COMMD10: variants seen among roughly 807,000 people sequenced by gnomAD.
COMMD10 encodes COMM domain-containing protein 10.
Under a neutral mutation model 28.9 loss-of-function variants are expected in COMMD10, and 33 were observed. That is an observed-to-expected ratio of 1.14 (90% CI 0.87 to 1.53). The LOEUF (loss-of-function observed/expected upper bound fraction) is 1.53. COMMD10 is among the 40% of genes most tolerant of loss of function. The pLI is 0.00. For synonymous variants in COMMD10, 110 were observed against 81.7 expected (o/e 1.35, Z -1.87); for missense variants, 310 against 233.4 (o/e 1.33, Z -2.14).
intron 2 of COMMD10, 97 bp downstream of exon 2, chr5:116,087,684 C>T: frequency 1.0e-5 from 8 of 794,960 alleles, no homozygotes; most frequent in East Asian, 5.1e-5. Context: ...TAGTGTTCTC[C>T]AATATGTTCT....
At chr5:116,128,261 G>A (rs1467817610) in intron 4 of COMMD10, among the ~76,000 whole-genome samples, 8 of 151,990 alleles carry the variant, frequency 5.3e-5, no homozygotes, top group African/African-American at 1.9e-4. Context: ...TGACATTTTA[G>A]TAACATTCTC....
intron 4 of COMMD10, among the ~76,000 whole-genome samples, chr5:116,117,607 G>A (rs1751284207): frequency 6.6e-6 from 1 of 152,056 alleles, no homozygotes; most frequent in Non-Finnish European, 1.5e-5. Context: ...GGGATTACAG[G>A]CACGCACCAC....
chr5:116,086,759 A>G, intron 1 of COMMD10, among the ~76,000 whole-genome samples: 1 of 152,110 alleles, frequency 6.6e-6, no homozygotes, highest in Non-Finnish European at 1.5e-5. Context: ...TGCAGGACTG[A>G]TTGAGCTCAG....
chr5:116,147,460 T>C (rs568459177), intron 5 of COMMD10, among the ~76,000 whole-genome samples: 1 of 151,940 alleles, frequency 6.6e-6, no homozygotes, highest in Non-Finnish European at 1.5e-5. Flanking sequence ...GTATAATCAA[T>C]GAATAGCAAA....
At chr5:116,287,128 G>C (rs1318687129) in intron 5 of COMMD10, among the ~76,000 whole-genome samples, 1 of 151,588 alleles carries the variant, frequency 6.6e-6, no homozygotes, top group South Asian at 2.1e-4. Context: ...ATGTCATTTT[G>C]TTCAGTGTCC....
chr5:116,215,179 A>C (rs1749063780), intron 5 of COMMD10, among the ~76,000 whole-genome samples: 1 of 151,998 alleles, frequency 6.6e-6, no homozygotes, highest in African/African-American at 2.4e-5. Flanking sequence ...CTCATTTTTA[A>C]ATAGTGTTTG....
chr5:116,180,417 A>G (rs1034825690), intron 5 of COMMD10, among the ~76,000 whole-genome samples: 1 of 152,080 alleles, frequency 6.6e-6, no homozygotes, highest in Non-Finnish European at 1.5e-5. Context: ...AGGCCACTGA[A>G]ATGGAGTACA....
At chr5:116,144,026 G>A (rs1452597583) in intron 5 of COMMD10, among the ~76,000 whole-genome samples, 2 of 151,848 alleles carry the variant, frequency 1.3e-5, no homozygotes. Context: ...CCTGAAAGAC[G>A]ACAGGTTTAT....
intron 5 of COMMD10, among the ~76,000 whole-genome samples, chr5:116,280,520 A>C (rs1361808129): frequency 6.6e-6 from 1 of 151,864 alleles, no homozygotes; most frequent in Non-Finnish European, 1.5e-5. Context: ...GACATAAAGA[A>C]GGATCTTTCT....
intron 4 of COMMD10, among the ~76,000 whole-genome samples, chr5:116,098,145 C>G (rs1750525291): frequency 6.6e-6 from 1 of 152,166 alleles, no homozygotes; most frequent in Non-Finnish European, 1.5e-5. Flanking sequence ...AGTCTTATTC[C>G]TTTTATATCA....
At chr5:116,093,352 G>A (rs892755620) in intron 4 of COMMD10, among the ~76,000 whole-genome samples, 12 of 152,124 alleles carry the variant, frequency 7.9e-5, no homozygotes, top group African/African-American at 1.4e-4. Context: ...AGAAGTGACC[G>A]GAAACACCTG....
intron 4 of COMMD10, among the ~76,000 whole-genome samples, chr5:116,126,777 A>G (rs925899411): frequency 6.6e-6 from 1 of 152,240 alleles, no homozygotes; most frequent in Non-Finnish European, 1.5e-5. Flanking sequence ...AATTAATTCA[A>G]GATAGTTTAA....
intron 5 of COMMD10, among the ~76,000 whole-genome samples, chr5:116,155,332 T>C (rs982976471): frequency 1.3e-5 from 2 of 152,148 alleles, no homozygotes; most frequent in Non-Finnish European, 2.9e-5. Context: ...ATTGTCCTTA[T>C]GTTTTATTTA....
chr5:116,257,411 C>G (rs761703597), intron 5 of COMMD10, among the ~76,000 whole-genome samples: 18 of 151,680 alleles, frequency 1.2e-4, no homozygotes, highest in Non-Finnish European at 1.9e-4. Context: ...AGCTTCTGTA[C>G]TAACCAGTTC....
At chr5:116,204,748 T>C (rs1748767323) in intron 5 of COMMD10, among the ~76,000 whole-genome samples, 1 of 152,206 alleles carries the variant, frequency 6.6e-6, no homozygotes, top group South Asian at 2.1e-4. Context: ...TTGATATTAA[T>C]ATTTGATCTT....
At chr5:116,118,020 G>A (rs1228346872) in intron 4 of COMMD10, among the ~76,000 whole-genome samples, 1 of 152,076 alleles carries the variant, frequency 6.6e-6, no homozygotes, top group African/African-American at 2.4e-5. Context: ...GGAACTACAT[G>A]CCCTGTTGTC....
At chr5:116,168,970 A>G (rs1198820052) in intron 5 of COMMD10, among the ~76,000 whole-genome samples, 1 of 152,206 alleles carries the variant, frequency 6.6e-6, no homozygotes, top group Non-Finnish European at 1.5e-5. Flanking sequence ...GACAAGAAAT[A>G]ACTAAGATCA....
intron 5 of COMMD10, among the ~76,000 whole-genome samples, chr5:116,244,830 A>G (rs1749901382): frequency 6.6e-6 from 1 of 152,038 alleles, no homozygotes. Context: ...CGACTAAGGC[A>G]GTATTAAGAG....
chr5:116,122,701 C>T (rs1348293052), intron 4 of COMMD10, among the ~76,000 whole-genome samples: 1 of 152,150 alleles, frequency 6.6e-6, no homozygotes, highest in East Asian at 1.9e-4. Context: ...CTTCACATCC[C>T]TTGTAAGCTG....
Sources: gnomAD v4.1 joint callset for allele counts (sites outside exome capture counted in the v4.1 genomes callset) on GRCh38, gnomAD v4.1.1 for gene constraint, MANE v1.5 for transcripts, NCBI Gene and HGNC (gene_info 2026-07-23, HGNC 2026-07-21) for gene names.